MDGA2: variants seen among roughly 807,000 people sequenced by gnomAD.
MDGA2 encodes MAM domain-containing glycosylphosphatidylinositol anchor protein 2.
MDGA2 carries 40 observed loss-of-function variants against 117.8 expected under a neutral mutation model. That is an observed-to-expected ratio of 0.34 (90% CI 0.26 to 0.44). The LOEUF is 0.44. Ranked by LOEUF, MDGA2 falls within the 20% of genes least tolerant of loss-of-function variation. The probability of loss-of-function intolerance (pLI) is 1.00; values close to 1 mark genes in which losing one functional copy is unlikely to be tolerated. For synonymous variants in MDGA2, 452 were observed against 439.0 expected (o/e 1.03, Z -0.37); for missense variants, 1,123 against 1,250.6 (o/e 0.90, Z 1.54).
intron 3 of MDGA2, among the ~76,000 whole-genome samples, chr14:47,177,449 C>T (rs1206264366): frequency 4.6e-5 from 7 of 152,122 alleles, no homozygotes; most frequent in Non-Finnish European, 8.8e-5. Context: ...GGCACATAGA[C>T]ACCATGGAAT....
chr14:47,587,445 T>A (rs1896346533), intron 1 of MDGA2, among the ~76,000 whole-genome samples: 1 of 151,966 alleles, frequency 6.6e-6, no homozygotes, highest in Non-Finnish European at 1.5e-5. Flanking sequence ...GTGCCATTTA[T>A]ACACCCTTGA....
intron 1 of MDGA2, among the ~76,000 whole-genome samples, chr14:47,507,627 T>A (rs1281312636): frequency 6.6e-6 from 1 of 152,204 alleles, no homozygotes; most frequent in African/African-American, 2.4e-5. Flanking sequence ...AGAAAGGTTT[T>A]GAATAGTGAT....
At chr14:47,388,972 T>C (rs1336391491) in intron 1 of MDGA2, among the ~76,000 whole-genome samples, 1 of 152,234 alleles carries the variant, frequency 6.6e-6, no homozygotes, top group Non-Finnish European at 1.5e-5. Flanking sequence ...CCTTCTGTAT[T>C]ACATCTTCCC....
rs141954146 is a variant in MDGA2, at chr14:46,921,410, C to T, written c.2090-1250G>A. Among the ~76,000 whole-genome samples, 16 of 151,402 alleles carry T rather than the reference C, an allele frequency of 1.1e-4. No individual in the cohort carries two copies. In the East Asian group the frequency reaches 3.1e-3, roughly 30 times the overall value. On this transcript the variant is annotated intron_variant, in intron 9 of 16. Coordinates refer to ENST00000399232, the MANE Select transcript of MDGA2 (RefSeq NM_001113498.3). ...AACCTAGTTGTTAAAGACCCACCAA[C>T]CTGAGCAACATAGCAAAATAATGTC...
At chr14:46,890,916 G>C (rs144907941) in intron 10 of MDGA2, among the ~76,000 whole-genome samples, 5 of 151,992 alleles carry the variant, frequency 3.3e-5, no homozygotes, top group Non-Finnish European at 4.4e-5. Context: ...TTATGATAAA[G>C]TTAAATATGT....
intron 1 of MDGA2, among the ~76,000 whole-genome samples, chr14:47,520,615 A>G (rs1894849875): frequency 6.6e-6 from 1 of 152,210 alleles, no homozygotes; most frequent in South Asian, 2.1e-4. Flanking sequence ...TACAGAACAC[A>G]GAACAGGAGA....
At chr14:47,169,679 A>G (rs1257300994) in intron 3 of MDGA2, among the ~76,000 whole-genome samples, 1 of 151,994 alleles carries the variant, frequency 6.6e-6, no homozygotes, top group Non-Finnish European at 1.5e-5. Flanking sequence ...AAAAACTGAG[A>G]TTTTTATATT....
chr14:47,598,645 A>T (rs1896590274), intron 1 of MDGA2, among the ~76,000 whole-genome samples: 1 of 152,156 alleles, frequency 6.6e-6, no homozygotes, highest in African/African-American at 2.4e-5. Flanking sequence ...AGAAAGTAGA[A>T]TAGAGATAAC....
At chr14:47,041,022 A>T (rs1208649640) in intron 7 of MDGA2, among the ~76,000 whole-genome samples, 1 of 152,188 alleles carries the variant, frequency 6.6e-6, no homozygotes, top group African/African-American at 2.4e-5. Context: ...GATAAACATA[A>T]TCAATATGAA....
At chr14:47,050,519 T>C (rs1379188297) in intron 7 of MDGA2, among the ~76,000 whole-genome samples, 1 of 152,038 alleles carries the variant, frequency 6.6e-6, no homozygotes, top group African/African-American at 2.4e-5. Context: ...GTTTCTGTTA[T>C]ACACTGAAAT....
intron 1 of MDGA2, among the ~76,000 whole-genome samples, chr14:47,490,733 G>A (rs566101545): frequency 6.6e-6 from 1 of 152,216 alleles, no homozygotes; most frequent in South Asian, 2.1e-4. Flanking sequence ...AAAAACATAA[G>A]TGATAATAAA....
intron 2 of MDGA2, among the ~76,000 whole-genome samples, chr14:47,236,486 G>A (rs1886868955): frequency 2.0e-5 from 3 of 152,092 alleles, no homozygotes; most frequent in Admixed American, 6.5e-5. Flanking sequence ...ATAAAGAAAT[G>A]TTAAGTAGGC....
intron 1 of MDGA2, among the ~76,000 whole-genome samples, chr14:47,408,056 CTTTTTTT>C (rs56285818): frequency 1.7e-5 from 2 of 115,186 alleles, no homozygotes; most frequent in Non-Finnish European, 3.4e-5. Flanking sequence ...GGAGATTATT[CTTTTTTT>C]TTTTTTTTTT....
intron 14 of MDGA2, chr14:46,871,014 G>A (rs1321741491): frequency 6.6e-6 from 1 of 151,948 alleles, no homozygotes; most frequent in East Asian, 1.9e-4. Flanking sequence ...GAGAAAGAAA[G>A]TACATGACAC....
At chr14:47,208,040 T>C (rs1471256569) in intron 3 of MDGA2, among the ~76,000 whole-genome samples, 3 of 152,022 alleles carry the variant, frequency 2.0e-5, no homozygotes, top group Non-Finnish European at 2.9e-5. Context: ...CAAGAATCAT[T>C]TCCTTCAATT....
At chr14:47,193,978 T>A (rs1885200877) in intron 3 of MDGA2, among the ~76,000 whole-genome samples, 1 of 152,122 alleles carries the variant, frequency 6.6e-6, no homozygotes, top group Non-Finnish European at 1.5e-5. Flanking sequence ...GCAGAATAAA[T>A]TTTCTGAAGT....
At chr14:47,469,195 G>T (rs1375304694) in intron 1 of MDGA2, among the ~76,000 whole-genome samples, 2 of 151,722 alleles carry the variant, frequency 1.3e-5, no homozygotes, top group Non-Finnish European at 1.5e-5. Context: ...TAGGGTACAT[G>T]TGCACAATGT....
chr14:46,867,744 T>C (rs1231597177), intron 14 of MDGA2, among the ~76,000 whole-genome samples: 1 of 152,078 alleles, frequency 6.6e-6, no homozygotes, highest in Non-Finnish European at 1.5e-5. Context: ...TTATCCTTTA[T>C]ATGAATATCT....
At chr14:46,930,105 C>A (rs1555335658) in intron 9 of MDGA2, among the ~76,000 whole-genome samples, 1 of 110,596 alleles carries the variant, frequency 9.0e-6, no homozygotes. Context: ...GTATGCAACA[C>A]CCAAAGAAGA....
Sources: allele counts gnomAD v4.1 joint callset (sites outside exome capture counted in the v4.1 genomes callset), GRCh38; gene constraint gnomAD v4.1.1; transcripts MANE v1.5; gene names NCBI Gene and HGNC (gene_info 2026-07-23, HGNC 2026-07-21).